The following GCNT1 variants were observed in gnomAD, a reference collection of about 807,000 sequenced individuals.
The protein encoded by GCNT1 is beta-1,3-galactosyl-O-glycosyl-glycoprotein beta-1,6-N-acetylglucosaminyltransferase.
GCNT1 carries 16 observed loss-of-function variants against 26.2 expected under a neutral mutation model. The ratio of observed to expected loss-of-function variants is 0.61; its 90% confidence interval spans 0.41 to 0.93. The LOEUF is 0.93. Among genes scored for constraint, GCNT1 ranks in the 40% least tolerant of loss-of-function variants. The probability of loss-of-function intolerance (pLI) is 0.00; values close to 1 mark genes in which losing one functional copy is unlikely to be tolerated. For synonymous variants in GCNT1, 183 were observed against 190.8 expected (o/e 0.96, Z 0.34); for missense variants, 477 against 526.7 (o/e 0.91, Z 0.92).
intron 1 of GCNT1, among the ~76,000 whole-genome samples, chr9:76,446,935 A>G (rs1587415800): frequency 6.6e-6 from 1 of 151,972 alleles, no homozygotes; most frequent in Non-Finnish European, 1.5e-5. Flanking sequence ...CGGGCAGATC[A>G]CTCGAGTCCA....
At chr9:76,470,109 T>C (rs188585293) in intron 2 of GCNT1, among the ~76,000 whole-genome samples, 165 of 152,312 alleles carry the variant, frequency 1.1e-3, no homozygotes, top group African/African-American at 3.8e-3. Flanking sequence ...CCTGTGTGTG[T>C]GTATATGACT....
rs1824948622 is a variant in GCNT1 at position 76,497,749 on chromosome 9, TCTC to T, written c.-289-3164_-289-3162del. ...AAATCCTGTTTAAGATAATTCTACT[TCTC>T]CTGTTTAAAACAAAAAAAAACCCAA... On this transcript the variant is annotated intron_variant, in intron 2 of 3. Transcript: ENST00000376730. 9.2e-5 allele frequency among the ~76,000 whole-genome samples: 14 copies of T among 152,254 alleles called. 1 individual carries two copies. In the South Asian group the frequency reaches 2.9e-3, roughly 32 times the overall value.
chr9:76,493,857 T>C (rs967115258), intron 2 of GCNT1, among the ~76,000 whole-genome samples: 5 of 152,122 alleles, frequency 3.3e-5, no homozygotes, highest in African/African-American at 9.7e-5. Context: ...AGGATAGTAT[T>C]GTAATTTCTA....
At chr9:76,466,734 G>GGAT (rs369583035) in intron 2 of GCNT1, among the ~76,000 whole-genome samples, 1 of 152,190 alleles carries the variant, frequency 6.6e-6, no homozygotes, top group Non-Finnish European at 1.5e-5. Context: ...CGGAGGGAGA[G>GGAT]GATGGATAAA....
chr9:76,420,530 C>T (rs1823175769), intron 1 of GCNT1: 1 of 152,276 alleles, frequency 6.6e-6, no homozygotes, highest in Non-Finnish European at 1.5e-5. Context: ...CAGGCTCAGC[C>T]TCCCATTTAG....
chr9:76,451,237 A>C (rs1823660079), intron 1 of GCNT1, among the ~76,000 whole-genome samples: 1 of 152,176 alleles, frequency 6.6e-6, no homozygotes, highest in Non-Finnish European at 1.5e-5. Context: ...GCAAGGGGAG[A>C]CTTTATTCAA....
At chr9:76,399,352 T>C in the GCNT1 span, 4 of 1,486,096 alleles carry the variant, frequency 2.7e-6, no homozygotes, top group Admixed American at 6.7e-5. Flanking sequence ...AGGCTGCTGC[T>C]GAAAAGGCAG....
chr9:76,429,874 C>G (rs1351754133), intron 1 of GCNT1, among the ~76,000 whole-genome samples: 1 of 152,034 alleles, frequency 6.6e-6, no homozygotes, highest in Non-Finnish European at 1.5e-5. Context: ...GCCACCACGC[C>G]CGGCTAATTT....
intron 1 of GCNT1, among the ~76,000 whole-genome samples, chr9:76,436,009 G>A (rs111489247): frequency 1.4e-5 from 2 of 141,674 alleles, no homozygotes; most frequent in Non-Finnish European, 3.0e-5. Context: ...AGGCTGGAGT[G>A]CAGTGGCACG....
intron 2 of GCNT1, among the ~76,000 whole-genome samples, chr9:76,479,274 G>T (rs1824348657): frequency 6.6e-6 from 1 of 152,156 alleles, no homozygotes; most frequent in Non-Finnish European, 1.5e-5. Context: ...CATTTGGGTT[G>T]GTTCCAAGTC....
At chr9:76,403,385 A>G in the GCNT1 span, among the ~76,000 whole-genome samples, 6 of 152,220 alleles carry the variant, frequency 3.9e-5, no homozygotes, top group Admixed American at 6.5e-5. Context: ...TGCTTGTATT[A>G]CAGGGGAAAA....
rs1369412977 is a variant in GCNT1, at chr9:76,502,937, G to T, written c.556G>T (p.Val186Phe). The T allele has an allele frequency of 6.2e-7, 1 of 1,613,220 alleles. No homozygotes were observed. Among genetic ancestry groups the T allele is most frequent in the South Asian group, 1.1e-5 (1 of 91,070 alleles). Residue 186 changes from valine (V) to phenylalanine (F), a missense_variant, in exon 4 of 4, where the codon GTT becomes TTT. By Grantham distance (50) the Val-to-Phe change is conservative (BLOSUM62 -1). Transcript: ENST00000376730. Reference protein sequence around the residue: ...VFVASRLESVVYASWSRVQAD... With the variant: ...VFVASRLESVFYASWSRVQAD... Reference sequence around the variant, plus strand: ...TGTGGCCAGCCGATTGGAGAGTGTGGTTTATGCATCGTGGAGCCGGGTTCA... The same window carrying T: ...TGTGGCCAGCCGATTGGAGAGTGTGTTTTATGCATCGTGGAGCCGGGTTCA...
intron 1 of GCNT1, among the ~76,000 whole-genome samples, chr9:76,446,854 A>G (rs138700720): frequency 5.5e-4 from 84 of 152,290 alleles, no homozygotes; most frequent in African/African-American, 2.0e-3. Context: ...TTAGAGGTAC[A>G]TACTAAAGAG....
upstream of GCNT1, among the ~76,000 whole-genome samples, chr9:76,457,197 AATT>A (rs1242353137): frequency 6.6e-6 from 1 of 152,140 alleles, no homozygotes; most frequent in Non-Finnish European, 1.5e-5. Flanking sequence ...AAAGTGTTGG[AATT>A]ACAAGCGTGA....
At chr9:76,449,775 C>A (rs987753106) in intron 1 of GCNT1, among the ~76,000 whole-genome samples, 6 of 152,032 alleles carry the variant, frequency 3.9e-5, no homozygotes, top group African/African-American at 1.4e-4. Context: ...TAAACCTTTT[C>A]GTTTTTGTTT....
the GCNT1 span, among the ~76,000 whole-genome samples, chr9:76,396,858 G>A: frequency 2.6e-5 from 4 of 152,246 alleles, no homozygotes; most frequent in East Asian, 3.9e-4. Context: ...GTGGTGGCTC[G>A]TGCCTATAGC....
chr9:76,497,575 G>A (rs377163057), intron 2 of GCNT1, among the ~76,000 whole-genome samples: 5 of 152,126 alleles, frequency 3.3e-5, no homozygotes, highest in Non-Finnish European at 7.4e-5. Context: ...TGTAAAAAGC[G>A]TTTTTCAAAG....
At chr9:76,479,389 C>T (rs1824353675) in intron 2 of GCNT1, among the ~76,000 whole-genome samples, 1 of 152,150 alleles carries the variant, frequency 6.6e-6, no homozygotes, top group Non-Finnish European at 1.5e-5. Context: ...AATGGGATGG[C>T]TGGGTCAAGT....
intron 2 of GCNT1, among the ~76,000 whole-genome samples, chr9:76,497,902 A>T (rs1824954610): frequency 7.5e-6 from 1 of 132,980 alleles, no homozygotes; most frequent in Non-Finnish European, 1.5e-5. Context: ...TAAAGTAAAC[A>T]ATATGTTCAC....
Sources: allele counts gnomAD v4.1 joint callset (sites outside exome capture counted in the v4.1 genomes callset), GRCh38; gene constraint gnomAD v4.1.1; transcripts MANE v1.5; gene names NCBI Gene and HGNC (gene_info 2026-07-23, HGNC 2026-07-21).